Variants in CDH9 observed in about 807,000 individuals in gnomAD.
CDH9 encodes cadherin 9.
A neutral mutation model predicts 70.9 loss-of-function variants in CDH9; 28 were observed. The ratio of observed to expected loss-of-function variants is 0.40; its 90% CI spans 0.29 to 0.54. CDH9 has a LOEUF of 0.54. Ranked by LOEUF, CDH9 falls within the 20% of genes least tolerant of loss-of-function variation. The pLI, the probability that CDH9 is intolerant of heterozygous loss-of-function variation, is 0.59. For synonymous variants in CDH9, 409 were observed against 343.1 expected, an observed-to-expected ratio of 1.19 and a Z score of -2.12; for missense variants, 874 against 984.4, an observed-to-expected ratio of 0.89 and a Z score of 1.50.
chr5:26,967,090 G>A (rs1037529857), intron 2 of CDH9, among the ~76,000 whole-genome samples: 3 of 151,608 alleles, frequency 2.0e-5, no homozygotes, highest in Admixed American at 6.6e-5. Context: ...GCCACACCAC[G>A]CCTGGCTAAT....
At chr5:26,922,006 T>C (rs939946040) in intron 2 of CDH9, among the ~76,000 whole-genome samples, 11 of 140,334 alleles carry the variant, frequency 7.8e-5, no homozygotes, top group African/African-American at 3.0e-4. Flanking sequence ...ACAGGCTATT[T>C]GAAAAAACAC....
intron 2 of CDH9, among the ~76,000 whole-genome samples, chr5:26,937,398 A>G (rs1009095414): frequency 1.3e-5 from 2 of 152,136 alleles, no homozygotes; most frequent in Non-Finnish European, 2.9e-5. Context: ...AGCAATGAGA[A>G]CTCAGTCATT....
chr5:26,943,798 C>A (rs1267789631), intron 2 of CDH9, among the ~76,000 whole-genome samples: 1 of 152,062 alleles, frequency 6.6e-6, no homozygotes, highest in African/African-American at 2.4e-5. Context: ...ACAATTAAAT[C>A]CCATTTAAGT....
At position 26,885,879 on chromosome 5, in the gene CDH9, CAT is replaced by C. The variant is rs764624968; in HGVS notation, c.1631-16_1631-15del. The C allele has an allele frequency of 2.5e-6, 4 of 1,608,042 alleles. No individual in the cohort carries two copies. Among genetic ancestry groups the C allele is most frequent in the Non-Finnish European group, 3.4e-6 (4 of 1,177,398 alleles). ...CTGCTGTATTATCTGGGGGAGAAAACATGTAAAAAAACAAAAACTTTCATATT... is the reference window on the plus strand; with the variant it reads ...CTGCTGTATTATCTGGGGGAGAAAACGTAAAAAAACAAAAACTTTCATATT... On this transcript the variant is annotated splice_polypyrimidine_tract_variant and intron_variant, in intron 10 of 11. Coordinates refer to ENST00000231021, the MANE Select transcript of CDH9 (RefSeq NM_016279.4).
At chr5:26,914,359 G>A (rs1220782974) in intron 3 of CDH9, among the ~76,000 whole-genome samples, 2 of 151,804 alleles carry the variant, frequency 1.3e-5, no homozygotes, top group East Asian at 3.9e-4. Flanking sequence ...AACATGGTAT[G>A]TGTTTAAATT....
intron 7 of CDH9, among the ~76,000 whole-genome samples, chr5:26,900,831 A>C (rs1740842971): frequency 6.6e-6 from 1 of 152,070 alleles, no homozygotes; most frequent in Non-Finnish European, 1.5e-5. Context: ...TACTATAAAA[A>C]AACAGACACT....
rs768448907 is a variant in CDH9 at position 26,903,570 on chromosome 5, C to A, written c.999+67G>T. ...GAAAATAAATCCCAGGCTTTTTTTC[C>A]CTTTACTGAAAAGCAAACGTAAATT... is the stretch of plus-strand genomic sequence containing the variant. On this transcript the variant is annotated intron_variant, in intron 6 of 11. Coordinates refer to ENST00000231021, the MANE Select transcript of CDH9 (RefSeq NM_016279.4). 5 of 1,037,332 alleles carry A rather than the reference C, an allele frequency of 4.8e-6. No individual in the cohort carries two copies. The African/African-American group carries it at 7.8e-5, about 16-fold the overall frequency. The allele number at this position is 1,037,332 out of a possible 1,614,324, so 64.3% of individuals were successfully genotyped here.
At chr5:27,038,410 A>G (rs185527202) in intron 1 of CDH9, 53 bp downstream of exon 1, 1 of 152,126 alleles carries the variant, frequency 6.6e-6, no homozygotes, top group East Asian at 1.9e-4. Context: ...CTTCGTTATA[A>G]GAAAGCAAAA....
At chr5:26,991,651 T>A (rs1171967711) in intron 1 of CDH9, among the ~76,000 whole-genome samples, 1 of 152,218 alleles carries the variant, frequency 6.6e-6, no homozygotes, top group Non-Finnish European at 1.5e-5. Context: ...AGAACTAATA[T>A]GTGGATCTAA....
At chr5:27,008,222 G>A (rs895042966) in intron 1 of CDH9, among the ~76,000 whole-genome samples, 7 of 152,064 alleles carry the variant, frequency 4.6e-5, no homozygotes, top group Non-Finnish European at 7.4e-5. Context: ...TAAACCGGGC[G>A]GGGTGGCTCA....
chr5:26,917,433 G>A (rs1201282403), intron 2 of CDH9, among the ~76,000 whole-genome samples: 1 of 151,788 alleles, frequency 6.6e-6, no homozygotes, highest in African/African-American at 2.4e-5. Flanking sequence ...AGATAAAAAT[G>A]GAGTTTTAAC....
chr5:26,984,773 C>G (rs928099281), intron 2 of CDH9, among the ~76,000 whole-genome samples: 8 of 152,112 alleles, frequency 5.3e-5, no homozygotes, highest in African/African-American at 1.9e-4. Context: ...TCTTGGGGAA[C>G]AGTACAACAT....
chr5:26,920,387 C>T (rs1741223627), intron 2 of CDH9, among the ~76,000 whole-genome samples: 1 of 152,010 alleles, frequency 6.6e-6, no homozygotes, highest in Admixed American at 6.5e-5. Flanking sequence ...TTCCTGACTT[C>T]AGGTCTTGGA....
At chr5:26,882,085 G>A (rs908471852) in intron 11 of CDH9, among the ~76,000 whole-genome samples, 10 of 151,916 alleles carry the variant, frequency 6.6e-5, no homozygotes, top group Non-Finnish European at 1.2e-4. Flanking sequence ...ACTTGTATAT[G>A]CATTATATTT....
At chr5:27,002,984 A>C (rs1161559807) in intron 1 of CDH9, among the ~76,000 whole-genome samples, 1 of 152,168 alleles carries the variant, frequency 6.6e-6, no homozygotes, top group South Asian at 2.1e-4. Flanking sequence ...GCATTGTGTT[A>C]TAACCCAATA....
intron 1 of CDH9, among the ~76,000 whole-genome samples, chr5:27,020,418 T>G (rs1743117506): frequency 6.6e-6 from 1 of 151,574 alleles, no homozygotes; most frequent in South Asian, 2.1e-4. Context: ...TGCTATTAAA[T>G]ATTAAAATAC....
intron 1 of CDH9, among the ~76,000 whole-genome samples, chr5:27,019,324 C>A (rs1743097390): frequency 6.6e-6 from 1 of 151,932 alleles, no homozygotes; most frequent in Admixed American, 6.6e-5. Flanking sequence ...CAAATAATGA[C>A]ATTTTTGGAT....
At chr5:26,955,873 A>G (rs1447872906) in intron 2 of CDH9, among the ~76,000 whole-genome samples, 1 of 152,206 alleles carries the variant, frequency 6.6e-6, no homozygotes, top group Non-Finnish European at 1.5e-5. Flanking sequence ...GACAGAATGG[A>G]ATCAAATCCT....
intron 3 of CDH9, among the ~76,000 whole-genome samples, chr5:26,908,937 AG>A (rs879367772): frequency 2.8e-4 from 43 of 152,128 alleles, no homozygotes; most frequent in Admixed American, 9.8e-4. Flanking sequence ...AAAAGTTAAA[AG>A]CATTTAGTAA....
Sources: allele counts gnomAD v4.1 joint callset (sites outside exome capture counted in the v4.1 genomes callset), GRCh38; gene constraint gnomAD v4.1.1; transcripts MANE v1.5; gene names NCBI Gene and HGNC (gene_info 2026-07-23, HGNC 2026-07-21).